ZIM3: variants seen among roughly 807,000 people sequenced by gnomAD.
ZIM3 encodes zinc finger protein 657.
ZIM3 carries 11 observed loss-of-function variants against 12.9 expected under a neutral mutation model. The observed-to-expected ratio is 0.85, with a 90% CI of 0.54 to 1.41. The LOEUF (loss-of-function observed/expected upper bound fraction) is 1.41. Among genes scored for constraint, ZIM3 ranks in the 40% most tolerant of loss-of-function variants. The pLI, the probability that ZIM3 is intolerant of heterozygous loss-of-function variation, is 0.00. For missense variants in ZIM3, 604 were observed against 557.2 expected, an observed-to-expected ratio of 1.08 and a Z score of -0.85; for synonymous variants, 205 against 198.5, an observed-to-expected ratio of 1.03 and a Z score of -0.28.
chr19:57,140,479 T>C (rs1427528242), intron 2 of ZIM3, among the ~76,000 whole-genome samples: 8 of 150,346 alleles, frequency 5.3e-5, no homozygotes, highest in Non-Finnish European at 3.0e-5. Context: ...CCCGGCCTTT[T>C]TTTTTAAATT....
At chr19:57,141,430 CAAAG>C (rs2086913679) in intron 2 of ZIM3, among the ~76,000 whole-genome samples, 2 of 142,084 alleles carry the variant, frequency 1.4e-5, no homozygotes, top group African/African-American at 5.2e-5. Flanking sequence ...AACAACAAAA[CAAAG>C]ATGCTTGAGC....
chr19:57,134,340 T>G lies in ZIM3; in HGVS notation c.*578A>C, dbSNP rs2086874929. ...TGTTGCCCAGGCAGGAGTGCAATGG[T>G]GCAATATTGGCTCACTGCAACCTCT... On this transcript the variant is annotated 3_prime_UTR_variant, in exon 5 of 5. Coordinates refer to ENST00000269834, the MANE Select transcript of ZIM3 (RefSeq NM_052882.1). The G allele has an allele frequency of 6.6e-6, 1 of 152,628 alleles. No homozygotes were observed. The highest frequency in any genetic ancestry group is 2.4e-5 in the African/African-American group (1 of 41,464). The allele number at this position is 152,628 out of a possible 1,614,324, so 9.5% of individuals were successfully genotyped here.
rs771372793 is a variant in ZIM3 at position 57,135,283 on chromosome 19, C to T, written c.1054G>A (p.Asp352Asn). The change falls in exon 5 of 5, where the codon GAT becomes AAT. Residue 352 changes from aspartate (D) to asparagine (N), a missense_variant. By Grantham distance (23) the Asp-to-Asn change is conservative. Transcript: ENST00000269834. ...TTCCCAGTGTGAATTTTCTCATGAT[C>T]GATGACATTGGATTTCTGGGAAAAG... ...KAFSQKSNVI[D>N]HEKIHTGKRA... 10 of 1,613,902 alleles carry T rather than the reference C, an allele frequency of 6.2e-6. No individual in the cohort carries two copies. In the East Asian group the frequency reaches 6.7e-5, roughly 11 times the overall value.
In ZIM3 at chr19:57,134,101, A is replaced by C. The variant is rs1161672785; in HGVS notation, c.*817T>G. 6.6e-6 allele frequency: 1 copy of C among 152,124 alleles called. No individual in the cohort carries two copies. The highest frequency in any genetic ancestry group is 1.5e-5 in the Non-Finnish European group (1 of 68,066). The allele number at this position is 152,124 out of a possible 1,614,324, so 9.4% of individuals were successfully genotyped here. On this transcript the variant is annotated 3_prime_UTR_variant, in exon 5 of 5. Transcript: ENST00000269834. ...GTGACACCCTATCTCAAAAGGAAAA[A>C]CAAAAAAGGCAAATGGCAATTGCAG...
intron 3 of ZIM3, among the ~76,000 whole-genome samples, chr19:57,137,197 T>A (rs1022402506): frequency 1.3e-4 from 20 of 152,124 alleles, no homozygotes; most frequent in African/African-American, 4.8e-4. Context: ...AAGAATGCTT[T>A]TTCTGGGCTG....
chr19:57,135,307 A>G lies in ZIM3; in HGVS notation c.1030T>C (p.Phe344Leu), dbSNP rs577624693. The change falls in exon 5 of 5, where the codon TTT becomes CTT. Residue 344 changes from phenylalanine to leucine, a missense_variant. Coordinates refer to ENST00000269834, the MANE Select transcript of ZIM3 (RefSeq NM_052882.1). The part of the protein sequence containing the change: ...PYKCSICEKA[F>L]SQKSNVIDHE... ...TCGATGACATTGGATTTCTGGGAAAAGGCCTTCTCACATATGCTACATTTA... is the reference window on the plus strand; with the variant it reads ...TCGATGACATTGGATTTCTGGGAAAGGGCCTTCTCACATATGCTACATTTA... 3 of 1,614,108 alleles carry G rather than the reference A, an allele frequency of 1.9e-6. No individual in the cohort carries two copies. Among genetic ancestry groups the G allele is most frequent in the South Asian group, 2.2e-5 (2 of 91,080 alleles).
At position 57,135,218 on chromosome 19, in the gene ZIM3, G is replaced by C. The variant is rs778320843; in HGVS notation, c.1119C>G (p.Ile373Met). ...YECDLCGNTF[I>M]QKKNLIQHKK... ...TATGTTGAATGAGGTTTTTCTTCTG[G>C]ATAAAGGTATTTCCACATAGATCAC... The change falls in exon 5 of 5, where the codon ATC (isoleucine) becomes ATG (methionine). Residue 373 changes from isoleucine to methionine, a missense_variant. Physicochemically the swap from Ile to Met is conservative, Grantham distance 10. Coordinates refer to ENST00000269834, the MANE Select transcript of ZIM3 (RefSeq NM_052882.1). 10 of 1,613,594 alleles carry C rather than the reference G, an allele frequency of 6.2e-6. No individual in the cohort carries two copies. Among genetic ancestry groups the C allele is most frequent in the African/African-American group, 5.3e-5 (4 of 74,848 alleles).
chr19:57,136,223 T>G lies in ZIM3; in HGVS notation c.242-128A>C, dbSNP rs183518864. On this transcript the variant is annotated intron_variant, in intron 4 of 4. Coordinates refer to ENST00000269834, the MANE Select transcript of ZIM3 (RefSeq NM_052882.1). Reference sequence around the variant, plus strand: ...ACCTAATGTCTACGAGAAACCAAAGTTAATATAAGCTCTGTTAGAGTTCTA... The same window carrying G: ...ACCTAATGTCTACGAGAAACCAAAGGTAATATAAGCTCTGTTAGAGTTCTA... The G allele has an allele frequency of 1.5e-5, 12 of 812,546 alleles. No homozygotes were observed. The East Asian group carries it at 2.5e-4, about 17-fold the overall frequency. The allele number at this position is 812,546 out of a possible 1,614,324, so 50.3% of individuals were successfully genotyped here.
Position 57,134,860 on chromosome 19 carries a change from TG to T in ZIM3, c.*57del. 1 of 1,517,360 alleles carries T rather than the reference TG, an allele frequency of 6.6e-7. No homozygotes were observed. Among genetic ancestry groups the T allele is most frequent in the South Asian group, 1.3e-5 (1 of 76,076 alleles). The allele number at this position is 1,517,360 out of a possible 1,614,324, so 94.0% of individuals were successfully genotyped here. A position where few individuals can be genotyped will look rare whatever the true frequency, so the allele number is the denominator to read the frequency against. ...TAGAGGCCATTTCAACATGGAATTC[TG>T]GGGTGACAATTCCAGGCAACCATAT... On this transcript the variant is annotated 3_prime_UTR_variant, in exon 5 of 5. Transcript: ENST00000269834.
chr19:57,138,058 G>GGAAGGAAGGAAGGAAGGAAGGAAA (rs2086897337), intron 3 of ZIM3, among the ~76,000 whole-genome samples: 2 of 44,604 alleles, frequency 4.5e-5, no homozygotes, highest in Non-Finnish European at 8.7e-5. Context: ...AAGGAAAGAA[G>GGAAGGAAGGAAGGAAGGAAGGAAA]GAAGGAAGGA....
In ZIM3 at chr19:57,135,469, G is replaced by A. The variant is rs1432495198; in HGVS notation, c.868C>T (p.Gln290Ter). The change falls in exon 5 of 5, where the codon CAG becomes TAG. Residue 290 changes from glutamine to a stop codon, truncating the protein, a stop_gained. Coordinates refer to ENST00000269834, the MANE Select transcript of ZIM3 (RefSeq NM_052882.1). LOFTEE classifies it low-confidence loss of function (END_TRUNC). ...TTATGTTGAATGAGGGTTGAGTTCTGCCTGAAGGATTTCTCACATTCATTA... is the reference window on the plus strand; with the variant it reads ...TTATGTTGAATGAGGGTTGAGTTCTACCTGAAGGATTTCTCACATTCATTA... The part of the protein sequence containing the change: ...QCNECEKSFR[Q>*]NSTLIQHKKV... 1 of 1,613,972 alleles carries A rather than the reference G, an allele frequency of 6.2e-7. No individual in the cohort carries two copies. The highest frequency in any genetic ancestry group is 1.7e-5 in the Admixed American group (1 of 59,988).
Position 57,135,509 on chromosome 19 carries a change from C to A in ZIM3, c.828G>T (p.Lys276Asn), listed in dbSNP as rs866999224. Residue 276 changes from lysine to asparagine, a missense_variant, in exon 5 of 5, where the codon AAG becomes AAT. Lys to Asn is a moderately conservative substitution (Grantham distance 94). Transcript: ENST00000269834. ...CACATTCATTACACTGATAGGATTTCTTGGCATTATGAATTTTCTCATGAT... is the reference window on the plus strand; with the variant it reads ...CACATTCATTACACTGATAGGATTTATTGGCATTATGAATTTTCTCATGAT... ...CINHEKIHNAKKSYQCNECEK... is the reference protein window; with the variant it reads ...CINHEKIHNANKSYQCNECEK... 5.6e-6 allele frequency: 9 copies of A among 1,614,038 alleles called. 1 individual carries two copies. In the Middle Eastern group the frequency reaches 6.6e-4, roughly 118 times the overall value.
At position 57,135,071 on chromosome 19, in the gene ZIM3, A is replaced by G. The variant is rs1599921137; in HGVS notation, c.1266T>C (p.Ser422=). 1 of 1,614,184 alleles carries G rather than the reference A, an allele frequency of 6.2e-7. No individual in the cohort carries two copies. The highest frequency in any genetic ancestry group is 1.1e-5 in the South Asian group (1 of 91,090). Residue 422 remains serine (S), a synonymous_variant, in exon 5 of 5, where the codon AGT becomes AGC. Coordinates refer to ENST00000269834, the MANE Select transcript of ZIM3 (RefSeq NM_052882.1). ...TCCGGATGAAGGTTTTTCCACATTC[A>G]CTACATCTATAGGTCCTCTCTCCGC... ...THSGERTYRC[S]ECGKTFIRKL...
intron 3 of ZIM3, 79 bp downstream of exon 3, chr19:57,138,393 C>A (rs200777761): frequency 4.4e-6 from 7 of 1,603,528 alleles, no homozygotes; most frequent in Non-Finnish European, 6.0e-6. Context: ...CTGTGCCAAC[C>A]CTATTTGGCC....
In ZIM3 at chr19:57,136,881, C is replaced by T. The variant is rs201525942; in HGVS notation, c.233G>A (p.Gly78Asp). 114 of 1,613,958 alleles carry T rather than the reference C, an allele frequency of 7.1e-5. No individual in the cohort carries two copies. The highest frequency in any genetic ancestry group is 1.6e-4 in the Middle Eastern group (1 of 6,084). Residue 78 changes from glycine to aspartate, a missense_variant, in exon 4 of 5, where the codon GGC (glycine) becomes GAC (aspartate). Coordinates refer to ENST00000269834, the MANE Select transcript of ZIM3 (RefSeq NM_052882.1). ...WLEEEEVLGS[G>D]RAEKNGDIGG... ...CTCTCCTGGTCACCTACCTGCACGG[C>T]CACTTCCCAGCACTTCCTCTTCCTC... is the stretch of plus-strand genomic sequence containing the variant.
At chr19:57,136,654 C>A (rs1233021314) in intron 4 of ZIM3, among the ~76,000 whole-genome samples, 1 of 127,014 alleles carries the variant, frequency 7.9e-6, no homozygotes, top group Non-Finnish European at 1.6e-5. Context: ...ACAGAGACTC[C>A]GTTTCCAGAA....
Position 57,136,179 on chromosome 19 carries a change from G to A in ZIM3, c.242-84C>T, listed in dbSNP as rs1406806791. Reference sequence around the variant, plus strand: ...AAAATGCCATAAACAATCTATTGTGGTGATTATTCTGGCTTCAAACCTAAT... The same window carrying A: ...AAAATGCCATAAACAATCTATTGTGATGATTATTCTGGCTTCAAACCTAAT... On this transcript the variant is annotated intron_variant, in intron 4 of 4. Transcript: ENST00000269834. 3.9e-6 allele frequency: 5 copies of A among 1,295,502 alleles called. No homozygotes were observed. The East Asian group carries it at 1.2e-4, about 30-fold the overall frequency. The allele number at this position is 1,295,502 out of a possible 1,614,324, so 80.3% of individuals were successfully genotyped here.
intron 1 of ZIM3, among the ~76,000 whole-genome samples, chr19:57,143,138 C>T (rs898427623): frequency 2.6e-5 from 4 of 151,966 alleles, no homozygotes; most frequent in Non-Finnish European, 5.9e-5. Context: ...CCATCCTGGC[C>T]AACACGGTGA....
chr19:57,142,504 T>G, intron 2 of ZIM3, 125 bp downstream of exon 2: 1 of 1,010,286 alleles, frequency 9.9e-7, no homozygotes, highest in Non-Finnish European at 1.5e-6. Flanking sequence ...TGTGTTACCT[T>G]TTAATAGAAG....
Sources: allele counts gnomAD v4.1 joint callset (sites outside exome capture counted in the v4.1 genomes callset), GRCh38; gene constraint gnomAD v4.1.1; transcripts MANE v1.5; gene names NCBI Gene and HGNC (gene_info 2026-07-23, HGNC 2026-07-21).